The following MELK variants were observed in gnomAD, a reference collection of about 807,000 sequenced individuals.
The protein encoded by MELK is pEg3 kinase.
Under a neutral mutation model 85.0 loss-of-function variants are expected in MELK, and 81 were observed. The observed-to-expected ratio is 0.95, with a 90% CI of 0.80 to 1.15. The LOEUF (loss-of-function observed/expected upper bound fraction) is 1.15. Ranked by LOEUF, MELK falls within the 50% of genes most tolerant of loss-of-function variation. The pLI is 0.00. For synonymous variants in MELK, 252 were observed against 265.0 expected (o/e 0.95, Z 0.48); for missense variants, 754 against 777.5 (o/e 0.97, Z 0.36).
chr9:36,624,669 A>G (rs1456840629), intron 8 of MELK, among the ~76,000 whole-genome samples: 1 of 152,216 alleles, frequency 6.6e-6, no homozygotes, highest in Non-Finnish European at 1.5e-5. Flanking sequence ...GGAATTTGGA[A>G]TCAGTATGGT....
At chr9:36,640,185 T>C (rs1829630660) in intron 10 of MELK, among the ~76,000 whole-genome samples, 1 of 152,150 alleles carries the variant, frequency 6.6e-6, no homozygotes, top group African/African-American at 2.4e-5. Context: ...CAAAATACCA[T>C]AAATTGAGTG....
chr9:36,673,853 G>GT (rs976366726), intron 16 of MELK, among the ~76,000 whole-genome samples: 1 of 152,186 alleles, frequency 6.6e-6, no homozygotes, highest in South Asian at 2.1e-4. Context: ...TATCATTAGG[G>GT]TTTTTTTGTT....
intron 10 of MELK, among the ~76,000 whole-genome samples, chr9:36,634,009 A>G (rs983318591): frequency 2.0e-5 from 3 of 152,214 alleles, no homozygotes; most frequent in Admixed American, 2.0e-4. Flanking sequence ...GAAATTTTGT[A>G]CTGTATTCCA....
intron 10 of MELK, among the ~76,000 whole-genome samples, chr9:36,638,884 A>G (rs1414434674): frequency 6.6e-6 from 1 of 152,194 alleles, no homozygotes; most frequent in Non-Finnish European, 1.5e-5. Flanking sequence ...AACAACGAGT[A>G]AGTGTAGAAC....
At chr9:36,611,009 G>A (rs1311978459) in intron 8 of MELK, among the ~76,000 whole-genome samples, 1 of 152,076 alleles carries the variant, frequency 6.6e-6, no homozygotes, top group African/African-American at 2.4e-5. Context: ...GATGCTCAAA[G>A]GAAATGCTTA....
At chr9:36,610,555 G>A (rs1230557602) in intron 8 of MELK, among the ~76,000 whole-genome samples, 1 of 152,200 alleles carries the variant, frequency 6.6e-6, no homozygotes, top group African/African-American at 2.4e-5. Context: ...GCTGGAGGCC[G>A]GCCTCCTAGA....
chr9:36,652,203 C>T (rs954990331), intron 12 of MELK, among the ~76,000 whole-genome samples: 1 of 151,220 alleles, frequency 6.6e-6, no homozygotes, highest in Non-Finnish European at 1.5e-5. Context: ...TGCATCACCA[C>T]GCCTGGCCAA....
chr9:36,630,106 A>C (rs1204241132), intron 8 of MELK, 193 bp from the exon 9 acceptor site: 4 of 571,586 alleles, frequency 7.0e-6, no homozygotes, highest in Non-Finnish European at 1.2e-5. Context: ...TGACCTCCCA[A>C]AGTGCTGGGA....
At chr9:36,636,498 G>A (rs568068457) in intron 10 of MELK, among the ~76,000 whole-genome samples, 10 of 151,798 alleles carry the variant, frequency 6.6e-5, no homozygotes, top group African/African-American at 9.7e-5. Context: ...GCGAAACTCC[G>A]CCTCAAAAAA....
intron 8 of MELK, among the ~76,000 whole-genome samples, chr9:36,619,024 TC>T (rs1228734256): frequency 6.6e-6 from 1 of 151,146 alleles, no homozygotes; most frequent in East Asian, 1.9e-4. Flanking sequence ...AGTGGCACGA[TC>T]TCAGCTCACT....
chr9:36,589,122 G>T (rs1193158391), intron 3 of MELK, among the ~76,000 whole-genome samples: 1 of 151,836 alleles, frequency 6.6e-6, no homozygotes, highest in Non-Finnish European at 1.5e-5. Context: ...AACAGTTTTT[G>T]GGGGGCTTTT....
In MELK at chr9:36,641,905, C is replaced by T. The variant is rs574190110; in HGVS notation, c.835-1092C>T. Reference sequence around the variant, plus strand: ...TACAGGCGTGAGCCACCGCACCTGGCCTAAGAGAGTTATGTTGGAAAGATG... The same window carrying T: ...TACAGGCGTGAGCCACCGCACCTGGTCTAAGAGAGTTATGTTGGAAAGATG... On this transcript the variant is annotated intron_variant, in intron 10 of 17. Transcript: ENST00000298048. Among the ~76,000 whole-genome samples, 8 of 152,270 alleles carry T rather than the reference C, an allele frequency of 5.3e-5. No homozygotes were observed. The East Asian group carries it at 1.5e-3, about 29-fold the overall frequency.
chr9:36,671,116 A>G lies in MELK; in HGVS notation c.1624A>G (p.Thr542Ala). The G allele has an allele frequency of 1.2e-6, 2 of 1,611,388 alleles. No homozygotes were observed. The highest frequency in any genetic ancestry group is 1.7e-6 in the Non-Finnish European group (2 of 1,178,730). ...RGLDKVITVL[T>A]RSKRKGSARD... is the part of the protein sequence containing the mutation. ...GTTGGATAAGGTTATCACTGTGCTC[A>G]CCAGGAGCAAAAGGAAGGGTTCTGC... The change falls in exon 16 of 18, where the codon ACC (threonine) becomes GCC (alanine). Residue 542 changes from threonine to alanine, a missense_variant. Transcript: ENST00000298048.
At chr9:36,667,783 T>C (rs1216332614) in intron 14 of MELK, among the ~76,000 whole-genome samples, 2 of 152,184 alleles carry the variant, frequency 1.3e-5, no homozygotes, top group Non-Finnish European at 2.9e-5. Flanking sequence ...CTTCTTTTTT[T>C]TGAGACAGAG....
Position 36,607,806 on chromosome 9 carries a change from C to A in MELK, c.666+133C>A, listed in dbSNP as rs1825703777. The A allele has an allele frequency of 1.6e-5, 11 of 691,422 alleles. No homozygotes were observed. In the South Asian group the frequency reaches 1.9e-4, roughly 12 times the overall value. The allele number at this position is 691,422 out of a possible 1,614,324, so 42.8% of individuals were successfully genotyped here. A position where few individuals can be genotyped will look rare whatever the true frequency, so the allele number is the denominator to read the frequency against. On this transcript the variant is annotated intron_variant, in intron 8 of 17. Transcript: ENST00000298048. ...GTTAGAAGTCAAAATCTTAGTTATTCTTTGGGAGTGGTTAAGGAGTGGGCT... is the reference window on the plus strand; with the variant it reads ...GTTAGAAGTCAAAATCTTAGTTATTATTTGGGAGTGGTTAAGGAGTGGGCT...
chr9:36,653,147 T>G (rs191385105), intron 12 of MELK, among the ~76,000 whole-genome samples: 1 of 152,272 alleles, frequency 6.6e-6, no homozygotes, highest in East Asian at 1.9e-4. Context: ...TTTAAAAAAT[T>G]TTTTTGTTTT....
chr9:36,654,913 C>T (rs1006664121), intron 12 of MELK, among the ~76,000 whole-genome samples: 2 of 152,066 alleles, frequency 1.3e-5, no homozygotes, highest in African/African-American at 4.8e-5. Context: ...TATTGAGACA[C>T]GAAGCAAGTC....
intron 10 of MELK, among the ~76,000 whole-genome samples, chr9:36,639,374 T>C (rs1829526790): frequency 6.6e-6 from 1 of 152,084 alleles, no homozygotes; most frequent in African/African-American, 2.4e-5. Context: ...AGTGAACTAT[T>C]AAAAAAAATT....
intron 3 of MELK, among the ~76,000 whole-genome samples, chr9:36,587,534 C>G (rs577953115): frequency 6.6e-6 from 1 of 151,752 alleles, no homozygotes; most frequent in East Asian, 2.0e-4. Flanking sequence ...CCAGGCTTGT[C>G]TTGAACTCCT....
Sources: gnomAD v4.1 joint callset for allele counts (sites outside exome capture counted in the v4.1 genomes callset) on GRCh38, gnomAD v4.1.1 for gene constraint, MANE v1.5 for transcripts, NCBI Gene and HGNC (gene_info 2026-07-23, HGNC 2026-07-21) for gene names.